Variants in ZNRF1 observed in about 807,000 individuals in gnomAD.
ZNRF1 encodes the protein zinc and ring finger 1.
Under a neutral mutation model 18.4 loss-of-function variants are expected in ZNRF1, and 3 were observed. The ratio of observed to expected loss-of-function variants is 0.16; its 90% CI spans 0.07 to 0.42. The LOEUF (loss-of-function observed/expected upper bound fraction) is 0.42. ZNRF1 is among the 10% of genes least tolerant of loss of function. The probability of loss-of-function intolerance (pLI) is 0.99; values close to 1 mark genes in which losing one functional copy is unlikely to be tolerated. For synonymous variants in ZNRF1, 157 were observed against 144.2 expected, an observed-to-expected ratio of 1.09 and a Z score of -0.64; for missense variants, 310 against 329.8, an observed-to-expected ratio of 0.94 and a Z score of 0.47.
chr16:75,047,605 G>A (rs747245968), intron 1 of ZNRF1, among the ~76,000 whole-genome samples: 26 of 152,170 alleles, frequency 1.7e-4, no homozygotes, highest in Non-Finnish European at 1.0e-4. Context: ...ACTTTTGTGT[G>A]TGTAGATCTT....
At chr16:75,020,500 T>C (rs2035129749) in intron 1 of ZNRF1, among the ~76,000 whole-genome samples, 1 of 152,082 alleles carries the variant, frequency 6.6e-6, no homozygotes, top group Non-Finnish European at 1.5e-5. Context: ...CTATTGACCA[T>C]GTTTTGTTTG....
intron 1 of ZNRF1, among the ~76,000 whole-genome samples, chr16:75,040,042 C>CTTTCTTTTTTTTTTT (rs2035423345): frequency 1.3e-5 from 1 of 78,890 alleles, no homozygotes; most frequent in Non-Finnish European, 2.3e-5. Flanking sequence ...TCTTTTCTTT[C>CTTTCTTTTTTTTTTT]TTTTTTTTTT....
At chr16:75,005,913 G>A (rs2034911184) in intron 1 of ZNRF1, among the ~76,000 whole-genome samples, 1 of 152,102 alleles carries the variant, frequency 6.6e-6, no homozygotes, top group African/African-American at 2.4e-5. Context: ...GTACATACAC[G>A]GACCTAGGTG....
chr16:75,006,917 A>G (rs1467958488), intron 1 of ZNRF1, among the ~76,000 whole-genome samples: 1 of 152,162 alleles, frequency 6.6e-6, no homozygotes, highest in Non-Finnish European at 1.5e-5. Context: ...TTCTCACTAG[A>G]ACACAGGTTT....
chr16:75,099,537 C>T (rs2036233371), intron 2 of ZNRF1, among the ~76,000 whole-genome samples: 2 of 152,208 alleles, frequency 1.3e-5, no homozygotes, highest in Non-Finnish European at 2.9e-5. Context: ...CAAGCTCTCC[C>T]TTGGGCAGTG....
chr16:75,037,027 A>AT (rs2035384591), intron 1 of ZNRF1, among the ~76,000 whole-genome samples: 1 of 151,976 alleles, frequency 6.6e-6, no homozygotes, highest in South Asian at 2.1e-4. Flanking sequence ...ACATGCTCTT[A>AT]TTTTTTTCCT....
chr16:75,013,599 C>A (rs1055660111), intron 1 of ZNRF1, among the ~76,000 whole-genome samples: 1 of 152,286 alleles, frequency 6.6e-6, no homozygotes, highest in East Asian at 1.9e-4. Context: ...CCCGCCTTGG[C>A]CTCCCAGAGT....
At chr16:75,006,173 C>T (rs1016377638) in intron 1 of ZNRF1, among the ~76,000 whole-genome samples, 23 of 152,112 alleles carry the variant, frequency 1.5e-4, no homozygotes, top group Admixed American at 1.0e-3. Flanking sequence ...CCATTGACCA[C>T]GGGTAACTGA....
At chr16:75,026,490 T>C (rs992353065) in intron 1 of ZNRF1, among the ~76,000 whole-genome samples, 5 of 152,178 alleles carry the variant, frequency 3.3e-5, no homozygotes, top group African/African-American at 1.2e-4. Flanking sequence ...GGAAAAGTAC[T>C]TGGAAAAATT....
rs961555183 is a variant in ZNRF1 at position 75,043,004 on chromosome 16, G to A, written c.424+42909G>A. Among the ~76,000 whole-genome samples the A allele has an allele frequency of 2.0e-5, 3 of 152,200 alleles. No individual in the cohort carries two copies. In the Middle Eastern group the frequency reaches 0.01, roughly 518 times the overall value. On this transcript the variant is annotated intron_variant, in intron 1 of 4. Transcript: ENST00000335325. ...AAGATGACCCTTGAGTGCTTCCCTTGGTGTTATACTTGGTGTCATCCCACC... is the reference window on the plus strand; with the variant it reads ...AAGATGACCCTTGAGTGCTTCCCTTAGTGTTATACTTGGTGTCATCCCACC...
At chr16:75,095,382 G>A (rs923482568) in intron 2 of ZNRF1, among the ~76,000 whole-genome samples, 2 of 152,068 alleles carry the variant, frequency 1.3e-5, no homozygotes, top group African/African-American at 2.4e-5. Flanking sequence ...TCGCATGCAT[G>A]CTGTCAGGAC....
intron 1 of ZNRF1, among the ~76,000 whole-genome samples, chr16:75,045,540 C>T (rs1041303526): frequency 1.5e-5 from 2 of 134,982 alleles, no homozygotes; most frequent in Non-Finnish European, 3.1e-5. Flanking sequence ...TTATCTGAGC[C>T]ATCCATAGTA....
intron 2 of ZNRF1, chr16:75,095,767 C>G: frequency 6.7e-7 from 1 of 1,502,602 alleles, no homozygotes; most frequent in Non-Finnish European, 9.0e-7. Context: ...CTGTCCAGCT[C>G]CTCTGCCAGA....
chr16:75,011,775 G>A (rs2035003735), intron 1 of ZNRF1, among the ~76,000 whole-genome samples: 1 of 152,136 alleles, frequency 6.6e-6, no homozygotes, highest in South Asian at 2.1e-4. Context: ...GTGTTTAATT[G>A]ATCCATTTCC....
intron 1 of ZNRF1, among the ~76,000 whole-genome samples, chr16:75,059,418 T>C (rs1447872231): frequency 6.6e-6 from 1 of 151,780 alleles, no homozygotes; most frequent in East Asian, 1.9e-4. Context: ...TGGCTAAGTT[T>C]TGTATTTTTT....
At chr16:75,095,743 C>A in intron 2 of ZNRF1, 1 of 1,528,208 alleles carries the variant, frequency 6.5e-7, no homozygotes, top group Non-Finnish European at 8.8e-7. Flanking sequence ...CTGTGGAGAA[C>A]CGGGAAGGTG....
chr16:75,059,245 C>CTTT (rs59289376), intron 1 of ZNRF1, among the ~76,000 whole-genome samples: 6 of 66,992 alleles, frequency 9.0e-5, no homozygotes, highest in African/African-American at 3.1e-4. Flanking sequence ...TTTTTTTTTT[C>CTTT]TTTTTTTTTT....
intron 1 of ZNRF1, among the ~76,000 whole-genome samples, chr16:75,063,265 C>T (rs986915512): frequency 2.0e-5 from 3 of 152,206 alleles, no homozygotes; most frequent in African/African-American, 4.8e-5. Context: ...AGCCCCAGGT[C>T]ATTCCTCCTA....
rs188800786 is a variant in ZNRF1, at chr16:75,083,078, T to C, written c.425-10494T>C. Reference sequence around the variant, plus strand: ...GCAGCTTTTCTTCCCTTTCTTGAGGTTTATAATGATGCCTCTTACAATTGA... The same window carrying C: ...GCAGCTTTTCTTCCCTTTCTTGAGGCTTATAATGATGCCTCTTACAATTGA... On this transcript the variant is annotated intron_variant, in intron 1 of 4. Coordinates refer to ENST00000335325, the MANE Select transcript of ZNRF1 (RefSeq NM_032268.5). Among the ~76,000 whole-genome samples the C allele has an allele frequency of 5.8e-3, 885 of 152,288 alleles. 8 individuals are homozygous for C. Among genetic ancestry groups the C allele is most frequent in the Non-Finnish European group, 0.01 (687 of 68,010 alleles).
Sources: allele counts gnomAD v4.1 joint callset (sites outside exome capture counted in the v4.1 genomes callset), GRCh38; gene constraint gnomAD v4.1.1; transcripts MANE v1.5; gene names NCBI Gene and HGNC (gene_info 2026-07-23, HGNC 2026-07-21).